Variants in UBE2H observed in about 807,000 individuals in gnomAD.
The protein encoded by UBE2H is ubiquitin-conjugating enzyme E2 H.
Under a neutral mutation model 29.0 loss-of-function variants are expected in UBE2H, and 3 were observed. The observed-to-expected ratio is 0.10, with a 90% CI of 0.05 to 0.27. The LOEUF is 0.27. Ranked by LOEUF, UBE2H falls within the 10% of genes least tolerant of loss-of-function variation. The pLI is 1.00. For synonymous variants in UBE2H, 69 were observed against 82.9 expected (o/e 0.83, Z 0.91); for missense variants, 68 against 228.2 (o/e 0.30, Z 4.52).
intron 6 of UBE2H, among the ~76,000 whole-genome samples, chr7:129,835,854 G>T (rs1432955884): frequency 6.6e-6 from 1 of 152,192 alleles, no homozygotes; most frequent in Non-Finnish European, 1.5e-5. Flanking sequence ...ACACACCCTT[G>T]TGGCTTTGTT....
intron 1 of UBE2H, among the ~76,000 whole-genome samples, chr7:129,895,718 G>A (rs1434604198): frequency 6.6e-6 from 1 of 152,066 alleles, no homozygotes; most frequent in African/African-American, 2.4e-5. Context: ...GGCTAACACA[G>A]TGAAACCCCG....
intron 1 of UBE2H, among the ~76,000 whole-genome samples, chr7:129,938,413 CAAAAAAAAAA>C (rs34454670): frequency 0.067 from 2,542 of 38,034 alleles, 44 homozygotes; most frequent in Middle Eastern, 0.13. Context: ...CTGCCTCATT[CAAAAAAAAAA>C]AAAAAAAAAA....
chr7:129,854,070 T>TTTTTTTTATTTTTTTTTA, intron 5 of UBE2H, among the ~76,000 whole-genome samples: 1 of 149,542 alleles, frequency 6.7e-6, no homozygotes. Context: ...GTTTTTTTTT[T>TTTTTTTTATTTTTTTTTA]TTTTTTTTTT....
Position 129,922,971 on chromosome 7 carries a change from G to A in UBE2H, c.53+29532C>T, listed in dbSNP as rs978891257. Among the ~76,000 whole-genome samples the A allele has an allele frequency of 5.9e-5, 9 of 151,850 alleles. No individual in the cohort carries two copies. In the East Asian group the frequency reaches 1.2e-3, roughly 20 times the overall value. On this transcript the variant is annotated intron_variant, in intron 1 of 6. Coordinates refer to ENST00000355621, the MANE Select transcript of UBE2H (RefSeq NM_003344.4). ...GGTTGGAGTGCAGTGGCATGATCTC[G>A]GCTCACTGCAAGCTCCGCCTCCCAG...
At chr7:129,850,913 A>G (rs979586799) in intron 5 of UBE2H, among the ~76,000 whole-genome samples, 2 of 151,304 alleles carry the variant, frequency 1.3e-5, no homozygotes, top group Non-Finnish European at 3.0e-5. Context: ...GAAAGAAAGA[A>G]GAGAAAAGAG....
intron 4 of UBE2H, among the ~76,000 whole-genome samples, chr7:129,858,253 A>C (rs1274809387): frequency 2.0e-5 from 3 of 152,216 alleles, no homozygotes; most frequent in Non-Finnish European, 4.4e-5. Flanking sequence ...ACAATAAAAT[A>C]TTAATATTAA....
At chr7:129,876,317 C>A (rs17162295) in intron 3 of UBE2H, among the ~76,000 whole-genome samples, 28,673 of 152,054 alleles carry the variant, frequency 0.19, 3,057 homozygotes, top group African/African-American at 0.28. Context: ...CCCTGATAAC[C>A]AGTCCACTGA....
intron 1 of UBE2H, among the ~76,000 whole-genome samples, chr7:129,927,320 T>G (rs1050452400): frequency 2.0e-5 from 3 of 152,034 alleles, no homozygotes; most frequent in Non-Finnish European, 4.4e-5. Context: ...GGGGGGTGGA[T>G]CACAAGGTCA....
At chr7:129,912,107 G>A (rs77622311) in intron 1 of UBE2H, among the ~76,000 whole-genome samples, 9,473 of 152,136 alleles carry the variant, frequency 0.062, 366 homozygotes, top group Non-Finnish European at 0.091. Flanking sequence ...AGGGGTCCAC[G>A]AACTAGGGCC....
chr7:129,949,935 A>C (rs1807841376), intron 1 of UBE2H, among the ~76,000 whole-genome samples: 2 of 152,330 alleles, frequency 1.3e-5, no homozygotes, highest in Admixed American at 6.5e-5. Context: ...GCATTCCTTC[A>C]GACCTTTTCT....
intron 1 of UBE2H, among the ~76,000 whole-genome samples, chr7:129,931,098 G>A (rs1336760949): frequency 6.6e-6 from 1 of 151,578 alleles, no homozygotes; most frequent in Non-Finnish European, 1.5e-5. Context: ...CATGCCTGTA[G>A]TCCCAGCTAC....
At chr7:129,916,119 C>A (rs1369900445) in intron 1 of UBE2H, among the ~76,000 whole-genome samples, 1 of 152,164 alleles carries the variant, frequency 6.6e-6, no homozygotes, top group Non-Finnish European at 1.5e-5. Context: ...AACTTTTCGT[C>A]AAATGACTTC....
chr7:129,942,212 CAAAAAAAA>C (rs966117564), intron 1 of UBE2H, among the ~76,000 whole-genome samples: 1 of 36,750 alleles, frequency 2.7e-5, no homozygotes, highest in Non-Finnish European at 4.9e-5. Context: ...GACTCGGTCT[CAAAAAAAA>C]AAAAAAAAAA....
At chr7:129,868,298 G>A (rs1220009830) in intron 3 of UBE2H, among the ~76,000 whole-genome samples, 2 of 152,192 alleles carry the variant, frequency 1.3e-5, no homozygotes, top group Admixed American at 1.3e-4. Context: ...ACTGGCATAA[G>A]TCAACTTCAA....
At chr7:129,948,176 AAG>A (rs1241523808) in intron 1 of UBE2H, among the ~76,000 whole-genome samples, 5 of 150,752 alleles carry the variant, frequency 3.3e-5, no homozygotes, top group African/African-American at 1.2e-4. Context: ...TTTTTTAATT[AAG>A]AGAGTCTTGC....
At chr7:129,887,410 CG>C (rs983050464) in intron 1 of UBE2H, among the ~76,000 whole-genome samples, 15 of 151,596 alleles carry the variant, frequency 9.9e-5, no homozygotes, top group South Asian at 2.1e-4. Flanking sequence ...TTAGTAGAGA[CG>C]GGGTTTCACC....
intron 3 of UBE2H, among the ~76,000 whole-genome samples, chr7:129,866,661 G>C (rs971404744): frequency 1.3e-5 from 2 of 152,108 alleles, no homozygotes; most frequent in African/African-American, 4.8e-5. Context: ...CAATTACCCT[G>C]TTTTGATCAT....
intron 1 of UBE2H, chr7:129,949,103 C>A (rs1045980358): frequency 4.4e-6 from 2 of 449,632 alleles, no homozygotes; most frequent in East Asian, 1.4e-4. Context: ...GCAGGGGCCA[C>A]TGGTTCACAG....
intron 1 of UBE2H, among the ~76,000 whole-genome samples, chr7:129,944,083 G>A (rs1375715715): frequency 2.0e-5 from 3 of 152,130 alleles, no homozygotes; most frequent in Admixed American, 6.5e-5. Context: ...GAGGCCAGGC[G>A]CTGTGGCTCA....
Sources: allele counts gnomAD v4.1 joint callset (sites outside exome capture counted in the v4.1 genomes callset), GRCh38; gene constraint gnomAD v4.1.1; transcripts MANE v1.5; gene names NCBI Gene and HGNC (gene_info 2026-07-23, HGNC 2026-07-21).